ENTHD1: variants seen among roughly 807,000 people sequenced by gnomAD.
ENTHD1 encodes ENTH domain-containing protein 1.
ENTHD1 carries 23 observed loss-of-function variants against 39.1 expected under a neutral mutation model. That is an observed-to-expected ratio of 0.59 (90% CI 0.42 to 0.83). The LOEUF is 0.83. ENTHD1 is among the 40% of genes least tolerant of loss of function. ENTHD1 has a pLI of 0.00. For missense variants in ENTHD1, 624 were observed against 705.4 expected (o/e 0.88, Z 1.31); for synonymous variants, 230 against 258.2 (o/e 0.89, Z 1.05).
chr22:39,831,077 A>G (rs1202691565), intron 4 of ENTHD1, among the ~76,000 whole-genome samples: 6 of 152,180 alleles, frequency 3.9e-5, no homozygotes, highest in Non-Finnish European at 8.8e-5. Flanking sequence ...TACAGTGTCA[A>G]TTCAAGATAG....
intron 2 of ENTHD1, among the ~76,000 whole-genome samples, chr22:39,871,709 C>T (rs2066245382): frequency 6.6e-6 from 1 of 152,166 alleles, no homozygotes; most frequent in Admixed American, 6.5e-5. Context: ...CACATTTAAG[C>T]TTAAAAGAAT....
At chr22:39,792,212 C>T (rs1233228065) in intron 5 of ENTHD1, among the ~76,000 whole-genome samples, 1 of 152,124 alleles carries the variant, frequency 6.6e-6, no homozygotes, top group Non-Finnish European at 1.5e-5. Flanking sequence ...GTACATGTGT[C>T]TTTATGGCAG....
At chr22:39,820,374 A>G (rs773696331) in intron 5 of ENTHD1, among the ~76,000 whole-genome samples, 2 of 152,226 alleles carry the variant, frequency 1.3e-5, no homozygotes, top group Non-Finnish European at 2.9e-5. Flanking sequence ...TTTCGTTCTC[A>G]TGGTGGCAGA....
At chr22:39,822,213 T>A (rs1707057144) in intron 4 of ENTHD1, among the ~76,000 whole-genome samples, 1 of 151,818 alleles carries the variant, frequency 6.6e-6, no homozygotes, top group Non-Finnish European at 1.5e-5. Flanking sequence ...TTCTGTGAAC[T>A]AGGGATAATT....
chr22:39,771,870 C>T (rs942832917), intron 5 of ENTHD1, among the ~76,000 whole-genome samples: 16 of 152,098 alleles, frequency 1.1e-4, no homozygotes, highest in African/African-American at 3.9e-4. Flanking sequence ...AGACAAAGTA[C>T]ACCAGATGGA....
intron 5 of ENTHD1, among the ~76,000 whole-genome samples, chr22:39,796,150 A>C (rs138273912): frequency 1.4e-4 from 21 of 151,428 alleles, no homozygotes; most frequent in Admixed American, 4.6e-4. Flanking sequence ...ATGTTGTTAG[A>C]TTGTTTGAAG....
At chr22:39,822,191 GTC>G (rs781568751) in intron 4 of ENTHD1, among the ~76,000 whole-genome samples, 7 of 146,536 alleles carry the variant, frequency 4.8e-5, no homozygotes, top group East Asian at 3.0e-4. Context: ...TAGCTGGTAT[GTC>G]TTTTTTTTTT....
intron 5 of ENTHD1, among the ~76,000 whole-genome samples, chr22:39,779,346 TA>T (rs911962756): frequency 6.6e-6 from 1 of 151,564 alleles, no homozygotes; most frequent in Non-Finnish European, 1.5e-5. Flanking sequence ...GTCTCAAAAA[TA>T]AACCAAAACC....
intron 2 of ENTHD1, among the ~76,000 whole-genome samples, chr22:39,877,651 G>A (rs1389437754): frequency 6.6e-6 from 1 of 152,174 alleles, no homozygotes; most frequent in Non-Finnish European, 1.5e-5. Context: ...AGTTCTCGCA[G>A]TAAATACTGG....
intron 5 of ENTHD1, among the ~76,000 whole-genome samples, chr22:39,782,605 C>A (rs922867020): frequency 2.0e-5 from 3 of 152,144 alleles, no homozygotes; most frequent in African/African-American, 7.2e-5. Flanking sequence ...TTAAAAAGAT[C>A]ATTCACCATG....
At chr22:39,865,703 A>G (rs1473671389) in intron 2 of ENTHD1, among the ~76,000 whole-genome samples, 3 of 152,210 alleles carry the variant, frequency 2.0e-5, no homozygotes, top group Non-Finnish European at 1.5e-5. Flanking sequence ...CAAGATAAAA[A>G]GGTTGTTAGA....
In ENTHD1 at chr22:39,792,739, C is replaced by T. The variant is rs573402481; in HGVS notation, c.833-27130G>A. On this transcript the variant is annotated intron_variant, in intron 5 of 6. Transcript: ENST00000325157. ...AAACTGGCTCTATCTGGGCAGCAGG[C>T]AAGAAGAACCCATTGGGTAGTTACA... 6.6e-5 allele frequency among the ~76,000 whole-genome samples: 10 copies of T among 152,244 alleles called. No individual in the cohort carries two copies. In the South Asian group the frequency reaches 2.1e-3, roughly 32 times the overall value.
rs2065117486 is a variant in ENTHD1 at position 39,747,844 on chromosome 22, A to G, written c.1220-3561T>C. 5.3e-5 allele frequency among the ~76,000 whole-genome samples: 8 copies of G among 152,318 alleles called. No homozygotes were observed. In the South Asian group the frequency reaches 1.5e-3, roughly 28 times the overall value. ...TCATGGTTCTTCACACACGAAAATA[A>G]TAATGGTGAGTGATGCTCAGAGCTC... On this transcript the variant is annotated intron_variant, in intron 6 of 6. Transcript: ENST00000325157.
intron 5 of ENTHD1, among the ~76,000 whole-genome samples, chr22:39,792,521 A>C (rs1019653026): frequency 6.6e-6 from 1 of 152,066 alleles, no homozygotes; most frequent in Non-Finnish European, 1.5e-5. Context: ...TATGATCAAA[A>C]AAATTGCAAA....
At chr22:39,773,096 C>T (rs1436456969) in intron 5 of ENTHD1, among the ~76,000 whole-genome samples, 1 of 99,344 alleles carries the variant, frequency 1.0e-5, no homozygotes, top group Non-Finnish European at 1.8e-5. Flanking sequence ...ACAGCCTGGG[C>T]AACATAGTGA....
intron 6 of ENTHD1, among the ~76,000 whole-genome samples, chr22:39,745,947 C>T (rs1483998389): frequency 6.6e-6 from 1 of 152,108 alleles, no homozygotes; most frequent in Non-Finnish European, 1.5e-5. Flanking sequence ...TGAAGCATTA[C>T]AGAATTTCCT....
Position 39,765,490 on chromosome 22 carries a change from C to G in ENTHD1, c.952G>C (p.Glu318Gln). 1.2e-6 allele frequency: 2 copies of G among 1,613,912 alleles called. No individual in the cohort carries two copies. Among genetic ancestry groups the G allele is most frequent in the Middle Eastern group, 1.7e-4 (1 of 6,058 alleles). Residue 318 changes from glutamate (E) to glutamine (Q), a missense_variant, in exon 6 of 7, where the codon GAA becomes CAA. Transcript: ENST00000325157. ...AGACCTTCTGCAGCTGATTGCTTTT[C>G]TAAAGGTGTTTCCAAGAGGTTTTCT... ...VTENLLETPL[E>Q]KQSAAEGLKT...
chr22:39,792,799 G>GTA (rs1010206986), intron 5 of ENTHD1, among the ~76,000 whole-genome samples: 16 of 152,018 alleles, frequency 1.1e-4, no homozygotes, highest in Admixed American at 4.6e-4. Context: ...ATCCCATTGT[G>GTA]TATATATACC....
At chr22:39,774,385 G>A (rs556747462) in intron 5 of ENTHD1, among the ~76,000 whole-genome samples, 2 of 152,164 alleles carry the variant, frequency 1.3e-5, no homozygotes, top group African/African-American at 4.8e-5. Context: ...CCTGAACCCT[G>A]ACCTCTGCTG....
Sources: allele counts gnomAD v4.1 joint callset (sites outside exome capture counted in the v4.1 genomes callset), GRCh38; gene constraint gnomAD v4.1.1; transcripts MANE v1.5; gene names NCBI Gene and HGNC (gene_info 2026-07-23, HGNC 2026-07-21).